The following RSL24D1 variants were observed in gnomAD, a reference collection of about 807,000 sequenced individuals.
RSL24D1 encodes ribosomal L24 domain containing 1.
A neutral mutation model predicts 26.2 loss-of-function variants in RSL24D1; 6 were observed. That is an observed-to-expected ratio of 0.23 (90% CI 0.13 to 0.45). The LOEUF (loss-of-function observed/expected upper bound fraction) is 0.45, where lower values mean the gene tolerates loss of function less well. RSL24D1 is among the 20% of genes least tolerant of loss of function. RSL24D1 has a pLI of 0.99. For synonymous variants in RSL24D1, 61 were observed against 59.1 expected (o/e 1.03, Z -0.15); for missense variants, 176 against 202.6 (o/e 0.87, Z 0.80).
intron 4 of RSL24D1, 27 bp from the exon 5 acceptor site, chr15:55,183,427 A>C: frequency 6.4e-7 from 1 of 1,555,462 alleles, no homozygotes; most frequent in Non-Finnish European, 8.9e-7. Context: ...TAAAGCCAAA[A>C]TTTCAGTTAC....
intron 1 of RSL24D1, chr15:55,196,510 A>G (rs1894358899): frequency 1.0e-5 from 6 of 585,010 alleles, no homozygotes; most frequent in Non-Finnish European, 1.9e-5. Context: ...TGAGTGGCCA[A>G]ACAGCCCTCA....
At chr15:55,189,536 C>G (rs1210789224) in intron 3 of RSL24D1, among the ~76,000 whole-genome samples, 4 of 152,188 alleles carry the variant, frequency 2.6e-5, no homozygotes, top group Admixed American at 6.5e-5. Context: ...AGCTTTAGAA[C>G]AAGCTTGACC....
In RSL24D1 at chr15:55,192,743, C is replaced by A. The variant is rs766272809; in HGVS notation, c.172G>T (p.Ala58Ser). 8 of 1,613,236 alleles carry A rather than the reference C, an allele frequency of 5.0e-6. No individual in the cohort carries two copies. The East Asian group carries it at 1.6e-4, about 31-fold the overall frequency. ...ACCACTGTAAGCTCTTTACCAGCTG[C>A]TTTCCGGAATGCTTTGGTCCACCTA... is the stretch of plus-strand genomic sequence containing the variant. Reference protein sequence around the residue: ...KVRWTKAFRKAAGKELTVDNS... With the variant: ...KVRWTKAFRKSAGKELTVDNS... Residue 58 changes from alanine (A) to serine (S), a missense_variant, in exon 2 of 6, where the codon GCA becomes TCA. Physicochemically the swap from Ala to Ser is moderately conservative, Grantham distance 99. This residue lies in a region of RSL24D1 where 89 missense variants were observed against 135.1 expected (regional missense o/e 0.66). Transcript: ENST00000260443.
intron 3 of RSL24D1, among the ~76,000 whole-genome samples, chr15:55,190,018 T>C (rs566702948): frequency 1.3e-5 from 2 of 151,640 alleles, no homozygotes; most frequent in Non-Finnish European, 2.9e-5. Context: ...GAGGCCAAGG[T>C]GGGAGGATCA....
At chr15:55,191,592 G>T (rs1354890409) in intron 2 of RSL24D1, among the ~76,000 whole-genome samples, 1 of 152,152 alleles carries the variant, frequency 6.6e-6, no homozygotes, top group African/African-American at 2.4e-5. Flanking sequence ...CAGAATAAAA[G>T]TCAGGCCCTA....
At chr15:55,194,087 G>C (rs1894328400) in intron 1 of RSL24D1, 1 of 151,644 alleles carries the variant, frequency 6.6e-6, no homozygotes, top group African/African-American at 2.4e-5. Context: ...AATTTGTTTT[G>C]GCTCCTCTCA....
chr15:55,195,613 G>T (rs576644778), intron 1 of RSL24D1: 1 of 152,234 alleles, frequency 6.6e-6, no homozygotes, highest in African/African-American at 2.4e-5. Flanking sequence ...TCACAAAATC[G>T]TAACGACATC....
chr15:55,191,122 C>A, intron 2 of RSL24D1, 75 bp from the exon 3 acceptor site: 5 of 1,024,476 alleles, frequency 4.9e-6, no homozygotes, highest in Non-Finnish European at 7.2e-6. Context: ...AAAACGTCTT[C>A]CTTTTCCTAA....
At chr15:55,195,839 A>C (rs546639986) in intron 1 of RSL24D1, among the ~76,000 whole-genome samples, 2 of 152,322 alleles carry the variant, frequency 1.3e-5, no homozygotes, top group East Asian at 1.9e-4. Context: ...CAGAGATATA[A>C]GGTGAAGAAG....
chr15:55,189,193 C>CAAAAA (rs11320888), intron 3 of RSL24D1, among the ~76,000 whole-genome samples: 14 of 66,458 alleles, frequency 2.1e-4, no homozygotes, highest in Non-Finnish European at 2.0e-4. Context: ...ACTCCCATCT[C>CAAAAA]AAAAAAAAAA....
At chr15:55,184,551 C>T (rs1254531625) in intron 4 of RSL24D1, among the ~76,000 whole-genome samples, 1 of 152,166 alleles carries the variant, frequency 6.6e-6, no homozygotes, top group Non-Finnish European at 1.5e-5. Flanking sequence ...ATAGTAGTAA[C>T]TGATTCAGGC....
chr15:55,191,866 G>C (rs983265136), intron 2 of RSL24D1, among the ~76,000 whole-genome samples: 1 of 152,124 alleles, frequency 6.6e-6, no homozygotes, highest in Non-Finnish European at 1.5e-5. Context: ...GACTGTGACC[G>C]GCAGTGTTTC....
rs1413274962 is a variant in RSL24D1 at position 55,180,822 on chromosome 15, T to C, written c.*1330A>G. ...AATAAAACGTAACTTTCAAAATGTT[T>C]ATTTCTTTAAAAAATGAATACGGTA... On this transcript the variant is annotated 3_prime_UTR_variant, in exon 6 of 6. Transcript: ENST00000260443. The C allele has an allele frequency of 2.0e-5, 3 of 152,176 alleles. No individual in the cohort carries two copies. Among genetic ancestry groups the C allele is most frequent in the African/African-American group, 7.2e-5 (3 of 41,420 alleles). The allele number at this position is 152,176 out of a possible 1,614,324, so 9.4% of individuals were successfully genotyped here. A position where few individuals can be genotyped will look rare whatever the true frequency, so the allele number is the denominator to read the frequency against.
intron 3 of RSL24D1, among the ~76,000 whole-genome samples, chr15:55,190,334 G>A (rs1490113450): frequency 6.7e-6 from 1 of 150,358 alleles, no homozygotes; most frequent in East Asian, 1.9e-4. Context: ...TAGCTCAAGG[G>A]ATTAACTTTT....
chr15:55,186,867 C>T (rs1894230030), intron 3 of RSL24D1, among the ~76,000 whole-genome samples: 1 of 151,906 alleles, frequency 6.6e-6, no homozygotes, highest in South Asian at 2.1e-4. Context: ...CATGCTTAAA[C>T]AGTTCAGAAA....
Position 55,182,009 on chromosome 15 carries a change from T to C in RSL24D1, c.*143A>G. 1.7e-6 allele frequency: 1 copy of C among 584,180 alleles called. No individual in the cohort carries two copies. The highest frequency in any genetic ancestry group is 3.1e-6 in the Non-Finnish European group (1 of 324,272). 36.2% of individuals were successfully genotyped at this position (584,180 alleles called of 1,614,324 possible). A position where few individuals can be genotyped will look rare whatever the true frequency, so the allele number is the denominator to read the frequency against. On this transcript the variant is annotated 3_prime_UTR_variant, in exon 6 of 6. Transcript: ENST00000260443. The stretch of plus-strand genomic sequence containing the variant: ...AATCTAACATCCGTAATATCTGATA[T>C]TATGTAGATGGCAATGCAGGAAAGA...
chr15:55,187,011 G>A (rs1191709595), intron 3 of RSL24D1, among the ~76,000 whole-genome samples: 1 of 152,160 alleles, frequency 6.6e-6, no homozygotes, highest in Non-Finnish European at 1.5e-5. Context: ...TCTGTAATCT[G>A]AAATTAGGTC....
chr15:55,187,488 C>G (rs190493363), intron 3 of RSL24D1, among the ~76,000 whole-genome samples: 159 of 152,158 alleles, frequency 1.0e-3, no homozygotes, highest in Non-Finnish European at 2.0e-3. Context: ...AGATATGGAA[C>G]CAACCTAAGT....
intron 4 of RSL24D1, 118 bp from the exon 5 acceptor site, chr15:55,183,518 G>A (rs1894192341): frequency 7.4e-6 from 5 of 676,352 alleles, no homozygotes; most frequent in Non-Finnish European, 1.3e-5. Context: ...ATGGGGAATG[G>A]AAACATGATG....
Sources: allele counts gnomAD v4.1 joint callset (sites outside exome capture counted in the v4.1 genomes callset), GRCh38; gene constraint gnomAD v4.1.1; regional missense constraint gnomAD v4.1.1; transcripts MANE v1.5; gene names NCBI Gene and HGNC (gene_info 2026-07-23, HGNC 2026-07-21).